Variants in SDK1 observed in about 807,000 individuals in gnomAD.
SDK1 encodes the protein sidekick cell adhesion molecule 1.
A neutral mutation model predicts 245.5 loss-of-function variants in SDK1; 157 were observed. That is an observed-to-expected ratio of 0.64 (90% CI 0.56 to 0.73). The LOEUF (loss-of-function observed/expected upper bound fraction) is 0.73, where lower values mean the gene tolerates loss of function less well. Among genes scored for constraint, SDK1 ranks in the 30% least tolerant of loss-of-function variants. SDK1 has a pLI of 0.00. For missense variants in SDK1, 3,583 were observed against 3,002.3 expected (o/e 1.19, Z -4.52); for synonymous variants, 1,647 against 1,278.5 (o/e 1.29, Z -6.15).
chr7:3,594,316 G>A (rs933920581), intron 1 of SDK1, among the ~76,000 whole-genome samples: 1 of 152,216 alleles, frequency 6.6e-6, no homozygotes, highest in African/African-American at 2.4e-5. Context: ...TTAATAAAGT[G>A]TGTGGATATA....
chr7:3,521,597 A>G (rs1188141763), intron 1 of SDK1, among the ~76,000 whole-genome samples: 1 of 152,178 alleles, frequency 6.6e-6, no homozygotes, highest in African/African-American at 2.4e-5. Context: ...GAAGATGGAA[A>G]ATAGCAAAGG....
intron 5 of SDK1, among the ~76,000 whole-genome samples, chr7:3,913,800 C>T (rs1295031813): frequency 6.6e-6 from 1 of 152,106 alleles, no homozygotes; most frequent in Non-Finnish European, 1.5e-5. Flanking sequence ...GATGCTGACC[C>T]CTGACAATTT....
At chr7:4,193,704 T>G (rs1783372442) in intron 35 of SDK1, among the ~76,000 whole-genome samples, 1 of 152,076 alleles carries the variant, frequency 6.6e-6, no homozygotes. Flanking sequence ...TTCCACAATT[T>G]CAGCTCTTCC....
intron 4 of SDK1, among the ~76,000 whole-genome samples, chr7:3,651,219 T>G (rs936806996): frequency 6.6e-6 from 1 of 152,098 alleles, no homozygotes; most frequent in African/African-American, 2.4e-5. Context: ...TGATTGCGTT[T>G]CCCTGCTTCC....
chr7:3,524,831 CA>C (rs1366591642), intron 1 of SDK1, among the ~76,000 whole-genome samples: 1 of 152,100 alleles, frequency 6.6e-6, no homozygotes, highest in African/African-American at 2.4e-5. Context: ...GGAGGGTCAT[CA>C]ATCTAACAAA....
At chr7:4,253,771 A>G (rs1343843661) in intron 44 of SDK1, among the ~76,000 whole-genome samples, 1 of 152,156 alleles carries the variant, frequency 6.6e-6, no homozygotes, top group African/African-American at 2.4e-5. Context: ...AAATCTATTC[A>G]TTTAATTTCA....
chr7:3,697,786 A>T (rs1784617887), intron 4 of SDK1, among the ~76,000 whole-genome samples: 1 of 152,120 alleles, frequency 6.6e-6, no homozygotes, highest in South Asian at 2.1e-4. Context: ...CTTGAATCTT[A>T]TTTTGCTGAT....
At chr7:3,479,203 C>G (rs192977747) in intron 1 of SDK1, among the ~76,000 whole-genome samples, 9 of 152,054 alleles carry the variant, frequency 5.9e-5, no homozygotes, top group African/African-American at 1.9e-4. Context: ...GGGCGGATCA[C>G]TTGAGGTCAG....
intron 5 of SDK1, among the ~76,000 whole-genome samples, chr7:3,823,438 C>G (rs747056354): frequency 3.3e-5 from 5 of 152,170 alleles, no homozygotes; most frequent in Non-Finnish European, 7.3e-5. Flanking sequence ...TTTAACATCA[C>G]AAAGTTATAA....
chr7:4,249,717 C>T (rs1361385151), intron 44 of SDK1, among the ~76,000 whole-genome samples: 1 of 152,208 alleles, frequency 6.6e-6, no homozygotes, highest in Non-Finnish European at 1.5e-5. Flanking sequence ...AACCTTGCTG[C>T]ATCCTGCTTT....
intron 1 of SDK1, among the ~76,000 whole-genome samples, chr7:3,340,897 G>C (rs1780330889): frequency 6.6e-6 from 1 of 151,934 alleles, no homozygotes; most frequent in African/African-American, 2.4e-5. Context: ...AAATCTCTGG[G>C]TCCAGATGGT....
intron 1 of SDK1, among the ~76,000 whole-genome samples, chr7:3,316,188 G>A (rs549444051): frequency 6.6e-6 from 1 of 152,140 alleles, no homozygotes; most frequent in Non-Finnish European, 1.5e-5. Flanking sequence ...AAAACTTTCA[G>A]TACAGCCATG....
intron 43 of SDK1, among the ~76,000 whole-genome samples, chr7:4,244,808 G>A (rs942185694): frequency 8.5e-5 from 13 of 152,254 alleles, no homozygotes; most frequent in South Asian, 6.2e-4. Context: ...CCTTGTGGCC[G>A]CATGACTGAG....
intron 13 of SDK1, among the ~76,000 whole-genome samples, chr7:3,975,750 TC>T (rs1201753216): frequency 6.6e-6 from 1 of 152,226 alleles, no homozygotes; most frequent in Non-Finnish European, 1.5e-5. Context: ...CCATCCCAAC[TC>T]CTGTTCTGTC....
chr7:3,558,095 C>T (rs576359254), intron 1 of SDK1, among the ~76,000 whole-genome samples: 2 of 149,624 alleles, frequency 1.3e-5, no homozygotes, highest in East Asian at 4.0e-4. Flanking sequence ...ACGTGGCATG[C>T]GTAAAGCCAG....
chr7:4,262,651 A>G (rs1039584798), intron 44 of SDK1, among the ~76,000 whole-genome samples: 2 of 144,384 alleles, frequency 1.4e-5, no homozygotes, highest in Non-Finnish European at 3.0e-5. Flanking sequence ...TGTGGATGTG[A>G]TGTCACACGA....
At chr7:3,551,722 C>T (rs908333583) in intron 1 of SDK1, among the ~76,000 whole-genome samples, 2 of 152,132 alleles carry the variant, frequency 1.3e-5, no homozygotes, top group Non-Finnish European at 2.9e-5. Context: ...GTCACCCAGG[C>T]TGGAGTACAG....
intron 1 of SDK1, among the ~76,000 whole-genome samples, chr7:3,362,339 G>A (rs1042135327): frequency 6.6e-6 from 1 of 152,162 alleles, no homozygotes; most frequent in African/African-American, 2.4e-5. Context: ...TTTTCTTGGA[G>A]AGGATTTATC....
At chr7:4,202,507 C>T (rs1296320204) in intron 35 of SDK1, among the ~76,000 whole-genome samples, 4 of 152,158 alleles carry the variant, frequency 2.6e-5, no homozygotes, top group Admixed American at 6.5e-5. Context: ...TGTTTGGTCA[C>T]GTGGGGCCAG....
Sources: gnomAD v4.1 joint callset for allele counts (sites outside exome capture counted in the v4.1 genomes callset) on GRCh38, gnomAD v4.1.1 for gene constraint, MANE v1.5 for transcripts, NCBI Gene and HGNC (gene_info 2026-07-23, HGNC 2026-07-21) for gene names.